Variants in SCUBE2 observed in about 807,000 individuals in gnomAD.
SCUBE2 encodes the protein signal peptide, CUB domain and EGF like domain containing 2.
Under a neutral mutation model 125.9 loss-of-function variants are expected in SCUBE2, and 114 were observed. The observed-to-expected ratio is 0.91, with a 90% CI of 0.78 to 1.06. The LOEUF (loss-of-function observed/expected upper bound fraction) is 1.06. Among genes scored for constraint, SCUBE2 ranks in the 50% least tolerant of loss-of-function variants. SCUBE2 has a pLI of 0.00. For synonymous variants in SCUBE2, 459 were observed against 492.9 expected (o/e 0.93, Z 0.91); for missense variants, 1,255 against 1,301.8 (o/e 0.96, Z 0.55).
chr11:9,033,430 T>C (rs1244848345), intron 17 of SCUBE2, among the ~76,000 whole-genome samples, 196 bp downstream of exon 17: 2 of 152,196 alleles, frequency 1.3e-5, no homozygotes, highest in Non-Finnish European at 2.9e-5. Context: ...ATTTATTTGC[T>C]CAAATGAGTA....
intron 20 of SCUBE2, 104 bp downstream of exon 20, chr11:9,027,260 T>C (rs1396736082): frequency 5.8e-6 from 6 of 1,041,654 alleles, no homozygotes; most frequent in East Asian, 2.6e-5. Context: ...TGCTCTAATA[T>C]GGAGGTGACG....
chr11:9,059,579 A>T, intron 8 of SCUBE2, 154 bp from the exon 9 acceptor site: 1 of 1,017,072 alleles, frequency 9.8e-7, no homozygotes, highest in Non-Finnish European at 1.4e-6. Flanking sequence ...TTTTAACCTT[A>T]TACATGTTTT....
In SCUBE2 at chr11:9,025,671, G is replaced by A. The variant is rs778902910; in HGVS notation, c.2854+31C>T. On this transcript the variant is annotated intron_variant, in intron 21 of 22. Coordinates refer to ENST00000649792, the MANE Select transcript of SCUBE2 (RefSeq NM_001367977.2). ...AGTTGGCTCTGTTCAAAGCAGAGAC[G>A]CTCTTTCCATGTGCTGCAGGCTGTG... The A allele has an allele frequency of 1.7e-5, 28 of 1,611,512 alleles. No individual in the cohort carries two copies. In the South Asian group the frequency reaches 2.2e-4, roughly 13 times the overall value.
Position 9,053,222 on chromosome 11 carries a change from A to G in SCUBE2, c.1331-7T>C. On this transcript the variant is annotated splice_region_variant and splice_polypyrimidine_tract_variant and intron_variant, in intron 11 of 22. Transcript: ENST00000649792. ...GGCAGGAGCCCCTTCACTTCTAGAC[A>G]GGACAAAACAGACACTTACAGAAAG... 1.2e-6 allele frequency: 2 copies of G among 1,604,612 alleles called. No homozygotes were observed. Among genetic ancestry groups the G allele is most frequent in the Non-Finnish European group, 1.7e-6 (2 of 1,171,360 alleles).
At chr11:9,058,495 T>G (rs532661020) in intron 9 of SCUBE2, among the ~76,000 whole-genome samples, 5 of 141,980 alleles carry the variant, frequency 3.5e-5, no homozygotes, top group South Asian at 2.3e-4. Context: ...ACTCAGGAGG[T>G]TGAGGCAGGA....
At chr11:9,060,200 G>A (rs1859528985) in intron 8 of SCUBE2, among the ~76,000 whole-genome samples, 1 of 152,204 alleles carries the variant, frequency 6.6e-6, no homozygotes, top group Non-Finnish European at 1.5e-5. Flanking sequence ...TCAACAATTA[G>A]TGTAATTAAG....
intron 13 of SCUBE2, among the ~76,000 whole-genome samples, chr11:9,051,391 G>A (rs759081041): frequency 6.6e-6 from 1 of 152,188 alleles, no homozygotes; most frequent in Non-Finnish European, 1.5e-5. Context: ...AGCCCGTTTG[G>A]CGAAACGGTG....
chr11:9,072,295 A>G (rs1475880732), intron 4 of SCUBE2, among the ~76,000 whole-genome samples: 1 of 151,854 alleles, frequency 6.6e-6, no homozygotes, highest in African/African-American at 2.4e-5. Flanking sequence ...TGCAAGCTCC[A>G]CCTCCCAGGT....
intron 10 of SCUBE2, 72 bp downstream of exon 10, chr11:9,055,721 C>T (rs1859014324): frequency 2.5e-6 from 3 of 1,190,654 alleles, no homozygotes; most frequent in Non-Finnish European, 3.8e-6. Flanking sequence ...AAGCAAACCT[C>T]AGGGGTAGGC....
In SCUBE2 at chr11:9,091,355, T is replaced by A; in HGVS notation, c.133+41A>T. 1 of 1,280,060 alleles carries A rather than the reference T, an allele frequency of 7.8e-7. No individual in the cohort carries two copies. Among genetic ancestry groups the A allele is most frequent in the African/African-American group, 1.6e-5 (1 of 63,978 alleles). The allele number at this position is 1,280,060 out of a possible 1,614,324, so 79.3% of individuals were successfully genotyped here. A position where few individuals can be genotyped will look rare whatever the true frequency, so the allele number is the denominator to read the frequency against. On this transcript the variant is annotated intron_variant, in intron 1 of 22. Coordinates refer to ENST00000649792, the MANE Select transcript of SCUBE2 (RefSeq NM_001367977.2). This position sits in a 1 kb window ranked among gnomAD's most constrained non-coding sequence, Gnocchi z 8.5. ...GGGACCTAAACACTCTTCCTGGCCC[T>A]GCCTGCTGTGCCAGGTGCGCCCCCG...
At chr11:9,033,819 G>A in intron 16 of SCUBE2, 23 bp from the exon 17 acceptor site, 1 of 1,612,898 alleles carries the variant, frequency 6.2e-7, no homozygotes. Context: ...GAAACAACCT[G>A]GTCAGTGTGG....
At chr11:9,079,806 C>G (rs529969184) in intron 2 of SCUBE2, among the ~76,000 whole-genome samples, 1 of 152,082 alleles carries the variant, frequency 6.6e-6, no homozygotes, top group Admixed American at 6.5e-5. Context: ...TCTCTGTGAA[C>G]TGATTTGGAG....
rs577415727 is a variant in SCUBE2 at position 9,070,692 on chromosome 11, C to T, written c.518-1197G>A. On this transcript the variant is annotated intron_variant, in intron 4 of 22. Coordinates refer to ENST00000649792, the MANE Select transcript of SCUBE2 (RefSeq NM_001367977.2). ...ATTGTGCCCCTAAAACCTTAGCCAACAGGTTCTAGTGAAGTCAAAGTTCTC... is the reference window on the plus strand; with the variant it reads ...ATTGTGCCCCTAAAACCTTAGCCAATAGGTTCTAGTGAAGTCAAAGTTCTC... Among the ~76,000 whole-genome samples, 409 of 152,332 alleles carry T rather than the reference C, an allele frequency of 2.7e-3. 2 individuals carry two copies. The highest frequency in any genetic ancestry group is 9.2e-3 in the African/African-American group (382 of 41,574).
chr11:9,071,744 A>T (rs1211684860), intron 4 of SCUBE2, among the ~76,000 whole-genome samples: 1 of 152,230 alleles, frequency 6.6e-6, no homozygotes, highest in East Asian at 1.9e-4. Flanking sequence ...GGAGGAAAAC[A>T]TGACATAAAA....
intron 2 of SCUBE2, among the ~76,000 whole-genome samples, chr11:9,081,114 T>TA (rs1861605123): frequency 6.6e-6 from 1 of 152,224 alleles, no homozygotes; most frequent in Non-Finnish European, 1.5e-5. Context: ...AGGATGTGGA[T>TA]AAATGGGAAC....
chr11:9,028,469 C>T (rs1399566891), intron 19 of SCUBE2, among the ~76,000 whole-genome samples: 2 of 152,300 alleles, frequency 1.3e-5, no homozygotes, highest in East Asian at 3.9e-4. Context: ...CCCTCCTTCA[C>T]CCACAGCACC....
intron 2 of SCUBE2, among the ~76,000 whole-genome samples, chr11:9,084,793 G>C (rs1861922729): frequency 1.3e-5 from 2 of 152,156 alleles, no homozygotes; most frequent in Non-Finnish European, 2.9e-5. Context: ...ACCCAGGCTG[G>C]AGTGCAGTGG....
intron 16 of SCUBE2, 149 bp downstream of exon 16, chr11:9,047,207 G>T (rs949644189): frequency 3.9e-6 from 3 of 773,814 alleles, no homozygotes; most frequent in Admixed American, 2.4e-5. Flanking sequence ...AGACACAAAC[G>T]CAACAGTTAC....
chr11:9,090,153 C>A (rs1862513568), intron 1 of SCUBE2, among the ~76,000 whole-genome samples: 1 of 152,186 alleles, frequency 6.6e-6, no homozygotes, highest in Admixed American at 6.5e-5. Flanking sequence ...TGCATGCACA[C>A]ATCAGGCAGG....
Sources: gnomAD v4.1 joint callset for allele counts (sites outside exome capture counted in the v4.1 genomes callset) on GRCh38, gnomAD v4.1.1 for gene constraint, Gnocchi (gnomAD v3.1) non-coding constraint, MANE v1.5 for transcripts, NCBI Gene and HGNC (gene_info 2026-07-23, HGNC 2026-07-21) for gene names.